The following DCC variants were observed in gnomAD, a reference collection of about 807,000 sequenced individuals.
DCC encodes the protein DCC netrin 1 receptor.
DCC carries 58 observed loss-of-function variants against 172.5 expected under a neutral mutation model. The ratio of observed to expected loss-of-function variants is 0.34; its 90% confidence interval spans 0.27 to 0.42. The LOEUF (loss-of-function observed/expected upper bound fraction) is 0.42, where lower values mean the gene tolerates loss of function less well. Ranked by LOEUF, DCC falls within the 10% of genes least tolerant of loss-of-function variation. DCC has a pLI of 1.00. For synonymous variants in DCC, 709 were observed against 644.5 expected (o/e 1.10, Z -1.52); for missense variants, 1,740 against 1,791.0 (o/e 0.97, Z 0.51).
At chr18:52,926,064 C>T (rs781546203) in intron 5 of DCC, among the ~76,000 whole-genome samples, 4 of 151,768 alleles carry the variant, frequency 2.6e-5, no homozygotes, top group East Asian at 1.9e-4. Flanking sequence ...GGAGAAAGTG[C>T]CTTAACATTT....
At chr18:53,316,500 C>G (rs572081770) in intron 13 of DCC, among the ~76,000 whole-genome samples, 1 of 151,210 alleles carries the variant, frequency 6.6e-6, no homozygotes, top group East Asian at 2.0e-4. Flanking sequence ...TGAAGAAAGT[C>G]GATGGTAGCT....
At chr18:53,375,616 C>CTTTT (rs1555660824) in intron 15 of DCC, among the ~76,000 whole-genome samples, 4 of 123,084 alleles carry the variant, frequency 3.2e-5, no homozygotes, top group African/African-American at 1.1e-4. Flanking sequence ...ATATTTAATT[C>CTTTT]TTTTTTTTTT....
chr18:52,400,770 A>C (rs1418689736), intron 1 of DCC, among the ~76,000 whole-genome samples: 1 of 152,158 alleles, frequency 6.6e-6, no homozygotes, highest in Admixed American at 6.6e-5. Context: ...AGCCATAAAA[A>C]GGATGAGTTC....
At chr18:53,020,593 A>C (rs574333748) in intron 5 of DCC, among the ~76,000 whole-genome samples, 2 of 152,190 alleles carry the variant, frequency 1.3e-5, no homozygotes, top group South Asian at 4.1e-4. Flanking sequence ...CCTAGTGTAC[A>C]TGTAAAAGTC....
intron 5 of DCC, among the ~76,000 whole-genome samples, chr18:52,973,371 C>T (rs1484133159): frequency 1.3e-5 from 2 of 152,028 alleles, no homozygotes; most frequent in East Asian, 1.9e-4. Flanking sequence ...TTAAGTTGTA[C>T]TAAATAATAC....
chr18:52,733,693 G>A (rs77875683), intron 1 of DCC, among the ~76,000 whole-genome samples: 5,562 of 151,948 alleles, frequency 0.037, 123 homozygotes, highest in Middle Eastern at 0.065. Flanking sequence ...ACATGTTCTC[G>A]CTATGTTACC....
At chr18:52,382,785 A>C (rs529496921) in intron 1 of DCC, among the ~76,000 whole-genome samples, 1 of 152,114 alleles carries the variant, frequency 6.6e-6, no homozygotes, top group Non-Finnish European at 1.5e-5. Context: ...AATGGGAATC[A>C]GATAGCTTGA....
chr18:53,329,462 A>G (rs2057506669), intron 14 of DCC, among the ~76,000 whole-genome samples: 1 of 152,038 alleles, frequency 6.6e-6, no homozygotes, highest in Non-Finnish European at 1.5e-5. Context: ...TTTTCTTTAT[A>G]GTAGCAATAA....
At chr18:53,208,550 A>T (rs1199441657) in intron 11 of DCC, among the ~76,000 whole-genome samples, 2 of 152,078 alleles carry the variant, frequency 1.3e-5, no homozygotes, top group Non-Finnish European at 2.9e-5. Flanking sequence ...AAAATATATC[A>T]AAAGGAATTA....
intron 7 of DCC, among the ~76,000 whole-genome samples, chr18:53,066,444 A>T (rs1021972929): frequency 5.0e-5 from 7 of 139,574 alleles, no homozygotes; most frequent in African/African-American, 8.2e-5. Context: ...TATATATATA[A>T]AATCTCCAAT....
At chr18:52,912,761 C>T (rs1159000347) in intron 3 of DCC, among the ~76,000 whole-genome samples, 14 of 151,982 alleles carry the variant, frequency 9.2e-5, no homozygotes, top group Non-Finnish European at 4.4e-5. Flanking sequence ...GGGTGGACGA[C>T]ATCAGCGTCT....
chr18:53,143,054 C>T (rs759668119), intron 7 of DCC, among the ~76,000 whole-genome samples: 20 of 152,162 alleles, frequency 1.3e-4, no homozygotes, highest in Non-Finnish European at 2.5e-4. Flanking sequence ...ATCAAGGATA[C>T]GTGACAGCCA....
At chr18:52,761,943 A>C (rs1471276975) in intron 2 of DCC, among the ~76,000 whole-genome samples, 5 of 150,924 alleles carry the variant, frequency 3.3e-5, no homozygotes, top group African/African-American at 4.9e-5. Flanking sequence ...AAAAAGAAGA[A>C]GGAAAAAAAA....
At chr18:52,475,688 T>C (rs1036855463) in intron 1 of DCC, among the ~76,000 whole-genome samples, 1 of 152,058 alleles carries the variant, frequency 6.6e-6, no homozygotes, top group Non-Finnish European at 1.5e-5. Context: ...TGTGTGGTTG[T>C]GAATATAAAA....
chr18:53,377,477 G>A (rs2144972528), intron 15 of DCC, among the ~76,000 whole-genome samples: 1 of 152,002 alleles, frequency 6.6e-6, no homozygotes, highest in South Asian at 2.1e-4. Flanking sequence ...ATCCATTCAT[G>A]AGGCCAGAGC....
chr18:53,446,857 T>G (rs534978085), intron 22 of DCC, among the ~76,000 whole-genome samples: 2 of 152,320 alleles, frequency 1.3e-5, no homozygotes, highest in African/African-American at 4.8e-5. Context: ...TTCTTTTTGT[T>G]GGTGACTTCA....
chr18:53,241,344 G>T (rs1218253678), intron 12 of DCC, among the ~76,000 whole-genome samples: 3 of 152,128 alleles, frequency 2.0e-5, no homozygotes, highest in African/African-American at 7.2e-5. Context: ...AACTGCAATT[G>T]TACAAGGAAG....
At chr18:53,322,387 C>T (rs544176638) in intron 14 of DCC, among the ~76,000 whole-genome samples, 2 of 152,088 alleles carry the variant, frequency 1.3e-5, no homozygotes, top group South Asian at 2.1e-4. Context: ...TAATCATGGT[C>T]CTCAAAACAA....
intron 7 of DCC, among the ~76,000 whole-genome samples, chr18:53,151,987 GAAC>G (rs2054648887): frequency 6.6e-6 from 1 of 151,572 alleles, no homozygotes; most frequent in African/African-American, 2.4e-5. Flanking sequence ...AGTGTCAAGG[GAAC>G]AACAAGAAAA....
Sources: allele counts gnomAD v4.1 joint callset (sites outside exome capture counted in the v4.1 genomes callset), GRCh38; gene constraint gnomAD v4.1.1; transcripts MANE v1.5; gene names NCBI Gene and HGNC (gene_info 2026-07-23, HGNC 2026-07-21).